MGA: variants seen among roughly 807,000 people sequenced by gnomAD.
MGA encodes the protein MAX dimerization protein MGA.
Under a neutral mutation model 261.1 loss-of-function variants are expected in MGA, and 40 were observed. The observed-to-expected ratio is 0.15, with a 90% CI of 0.12 to 0.20. The LOEUF is 0.20. Ranked by LOEUF, MGA falls within the 10% of genes least tolerant of loss-of-function variation. The pLI is 1.00. For synonymous variants in MGA, 1,302 were observed against 1,290.6 expected (o/e 1.01, Z -0.19); for missense variants, 3,397 against 3,630.5 (o/e 0.94, Z 1.65).
intron 1 of MGA, among the ~76,000 whole-genome samples, chr15:41,623,872 T>C (rs1388701293): frequency 5.3e-5 from 8 of 151,402 alleles, no homozygotes; most frequent in Non-Finnish European, 1.2e-4. Context: ...TTCAAGCAAT[T>C]CTCCTGCCTC....
intron 23 of MGA, among the ~76,000 whole-genome samples, chr15:41,765,391 T>TG (rs1327816456): frequency 6.6e-6 from 1 of 152,218 alleles, no homozygotes; most frequent in Non-Finnish European, 1.5e-5. Context: ...CTTTTTGTGG[T>TG]ACTCAGAGAT....
chr15:41,708,895 G>A (rs972328292), intron 7 of MGA, among the ~76,000 whole-genome samples: 4 of 152,112 alleles, frequency 2.6e-5, no homozygotes, highest in African/African-American at 9.7e-5. Flanking sequence ...CTTGGTCTCC[G>A]TTCTTAGTGC....
chr15:41,749,621 C>G lies in MGA; in HGVS notation c.6014C>G (p.Ala2005Gly). The G allele has an allele frequency of 6.2e-7, 1 of 1,613,856 alleles. No homozygotes were observed. The highest frequency in any genetic ancestry group is 8.5e-7 in the Non-Finnish European group (1 of 1,179,864). ...GAAGGAGAGGCTGTAGACCCTGAGG[C>G]TAATGTAATAAAACAAAACTCAGGA... The change falls in exon 17 of 24, where the codon GCT (alanine) becomes GGT (glycine). Residue 2005 changes from alanine to glycine, a missense_variant. Physicochemically the swap from Ala to Gly is moderately conservative, Grantham distance 60. Transcript: ENST00000219905.
intron 11 of MGA, among the ~76,000 whole-genome samples, chr15:41,730,666 A>G (rs994929571): frequency 6.6e-6 from 1 of 152,220 alleles, no homozygotes; most frequent in Non-Finnish European, 1.5e-5. Flanking sequence ...TTTCAGTATA[A>G]TAAAGACATA....
rs547510789 is a variant in MGA, at chr15:41,699,455, C to T, written c.2188+296C>T. On this transcript the variant is annotated intron_variant, in intron 5 of 23. Coordinates refer to ENST00000219905, the MANE Select transcript of MGA (RefSeq NM_001164273.2). The stretch of plus-strand genomic sequence containing the variant: ...TCATTCTTATAACCTGGTATTCTCC[C>T]CTTCCCGTTTCTCATCTTAATTTGG... Among the ~76,000 whole-genome samples the T allele has an allele frequency of 2.6e-5, 4 of 152,142 alleles. No individual in the cohort carries two copies. In the South Asian group the frequency reaches 8.3e-4, roughly 32 times the overall value.
chr15:41,679,905 A>G (rs183080550), intron 2 of MGA, among the ~76,000 whole-genome samples: 14 of 152,240 alleles, frequency 9.2e-5, no homozygotes, highest in Admixed American at 9.2e-4. Context: ...TAGGTGGCAA[A>G]TAGTGGCAAA....
chr15:41,735,101 TTC>T (rs1303535849), intron 12 of MGA, among the ~76,000 whole-genome samples: 10 of 152,230 alleles, frequency 6.6e-5, no homozygotes, highest in African/African-American at 2.4e-4. Context: ...GCTTCCTAAC[TTC>T]TTAAAAAACG....
intron 1 of MGA, among the ~76,000 whole-genome samples, chr15:41,633,162 G>C (rs950123601): frequency 2.0e-5 from 3 of 152,020 alleles, no homozygotes; most frequent in Admixed American, 2.0e-4. Flanking sequence ...CGTTAGCCAG[G>C]ATGGTCTTGA....
chr15:41,749,616 T>A lies in MGA; in HGVS notation c.6009T>A (p.Pro2003=), dbSNP rs1211088969. ...AGTCAGAAGGAGAGGCTGTAGACCC[T>A]GAGGCTAATGTAATAAAACAAAACT... Residue 2003 remains proline, a synonymous_variant, in exon 17 of 24, where the codon CCT becomes CCA. Transcript: ENST00000219905. 6 of 1,613,778 alleles carry A rather than the reference T, an allele frequency of 3.7e-6. No individual in the cohort carries two copies. The East Asian group carries it at 1.3e-4, about 36-fold the overall frequency.
intron 22 of MGA, 76 bp downstream of exon 22, chr15:41,762,438 G>A (rs1305509671): frequency 2.2e-5 from 10 of 451,266 alleles, no homozygotes; most frequent in Non-Finnish European, 2.8e-5. Context: ...ACCTTCTCTT[G>A]TCCACATTTT....
At chr15:41,644,970 A>C (rs981704242) in intron 1 of MGA, among the ~76,000 whole-genome samples, 4 of 152,204 alleles carry the variant, frequency 2.6e-5, no homozygotes, top group Non-Finnish European at 4.4e-5. Flanking sequence ...AGAAAAAACA[A>C]ATTTCCACAA....
chr15:41,631,560 G>T (rs913526622), intron 1 of MGA, among the ~76,000 whole-genome samples: 7 of 152,118 alleles, frequency 4.6e-5, no homozygotes, highest in African/African-American at 1.7e-4. Flanking sequence ...ATGGTAGAAT[G>T]TCATTTATCC....
In MGA at chr15:41,647,089, C is replaced by T. The variant is rs182196814; in HGVS notation, c.-67-21739C>T. On this transcript the variant is annotated intron_variant, in intron 1 of 8. Transcript: ENST00000566718. ...ATTTTCTAGCTTGGCTCTCTTTTCT[C>T]ATTCAGCTTCTATGGTTCTTTATCT... 2.3e-3 allele frequency among the ~76,000 whole-genome samples: 356 copies of T among 152,276 alleles called. 1 individual carries two copies. The highest frequency in any genetic ancestry group is 8.1e-3 in the African/African-American group (335 of 41,546).
chr15:41,686,050 G>C (rs1325112053), intron 2 of MGA, among the ~76,000 whole-genome samples: 1 of 151,272 alleles, frequency 6.6e-6, no homozygotes, highest in African/African-American at 2.4e-5. Flanking sequence ...TTTTTTGATA[G>C]TATATAGAAA....
chr15:41,750,286 A>G lies in MGA; in HGVS notation c.6679A>G (p.Lys2227Glu), dbSNP rs2062759353. The change falls in exon 17 of 24, where the codon AAA becomes GAA. Residue 2227 changes from lysine (K) to glutamate (E), a missense_variant. Physicochemically the swap from Lys to Glu is moderately conservative, Grantham distance 56 (BLOSUM62 1). Transcript: ENST00000219905. The stretch of plus-strand genomic sequence containing the variant: ...ACAAGGCATCTCTGACTTACTTGGA[A>G]AAAGTGGAATTACTGAAGATGCCAG... 1 of 1,613,922 alleles carries G rather than the reference A, an allele frequency of 6.2e-7. No homozygotes were observed. The highest frequency in any genetic ancestry group is 8.5e-7 in the Non-Finnish European group (1 of 1,179,908).
intron 1 of MGA, among the ~76,000 whole-genome samples, chr15:41,630,804 A>T (rs765104848): frequency 6.6e-6 from 1 of 152,116 alleles, no homozygotes; most frequent in African/African-American, 2.4e-5. Context: ...TTTGCTGGAG[A>T]TGGAACCTAA....
intron 9 of MGA, among the ~76,000 whole-genome samples, chr15:41,719,273 G>A (rs537851407): frequency 6.6e-6 from 1 of 152,060 alleles, no homozygotes; most frequent in African/African-American, 2.4e-5. Context: ...AAAATATATT[G>A]TTTTCATTTA....
rs76040537 is a variant in MGA, at chr15:41,652,697, A to G, written c.-67-16131A>G. On this transcript the variant is annotated intron_variant, in intron 1 of 8. Transcript: ENST00000566718. ...TCTATAGTGTTCCAGAGGTTTTTCT[A>G]CACTACCAACTACAGTTTTTCAATA... Among the ~76,000 whole-genome samples, 133 of 152,054 alleles carry G rather than the reference A, an allele frequency of 8.7e-4. 3 individuals are homozygous for G. In the East Asian group the frequency reaches 0.021, roughly 24 times the overall value.
intron 8 of MGA, among the ~76,000 whole-genome samples, chr15:41,712,506 C>T (rs2060439023): frequency 6.6e-6 from 1 of 152,224 alleles, no homozygotes; most frequent in African/African-American, 2.4e-5. Flanking sequence ...GCATGAGCCA[C>T]TGCGCCTGGC....
Sources: gnomAD v4.1 joint callset for allele counts (sites outside exome capture counted in the v4.1 genomes callset) on GRCh38, gnomAD v4.1.1 for gene constraint, MANE v1.5 for transcripts, NCBI Gene and HGNC (gene_info 2026-07-23, HGNC 2026-07-21) for gene names.